The following ROBO2 variants were observed in gnomAD, a reference collection of about 807,000 sequenced individuals.
ROBO2 encodes the protein roundabout homolog 2.
Under a neutral mutation model 160.8 loss-of-function variants are expected in ROBO2, and 53 were observed. The observed-to-expected ratio is 0.33, with a 90% CI of 0.26 to 0.41. The LOEUF (loss-of-function observed/expected upper bound fraction) is 0.41. Among genes scored for constraint, ROBO2 ranks in the 10% least tolerant of loss-of-function variants. The pLI is 1.00. For synonymous variants in ROBO2, 664 were observed against 611.7 expected (o/e 1.09, Z -1.26); for missense variants, 1,577 against 1,722.4 (o/e 0.92, Z 1.49).
intron 2 of ROBO2, among the ~76,000 whole-genome samples, chr3:76,064,159 C>T (rs909643341): frequency 3.3e-5 from 5 of 152,156 alleles, no homozygotes; most frequent in Non-Finnish European, 7.4e-5. Flanking sequence ...ATTTTAGCCT[C>T]GTGAGACCCA....
chr3:76,415,210 C>T (rs940986131), intron 2 of ROBO2, among the ~76,000 whole-genome samples: 2 of 152,148 alleles, frequency 1.3e-5, no homozygotes, highest in Non-Finnish European at 1.5e-5. Context: ...TTTTTCACTT[C>T]ACGGGGTCCC....
chr3:75,967,891 A>G (rs879311578), intron 2 of ROBO2, among the ~76,000 whole-genome samples: 4 of 151,658 alleles, frequency 2.6e-5, no homozygotes, highest in Non-Finnish European at 5.9e-5. Flanking sequence ...CCTTGAAGTA[A>G]TATTGACTGT....
In ROBO2 at chr3:76,815,280, A is replaced by G. The variant is rs2065563269; in HGVS notation, c.110-282734A>G. ...CAAATTTTCTCTGGTAGGAAAGTAG[A>G]TAACTTGAAAATCATCATCACATCT... is the stretch of plus-strand genomic sequence containing the variant. On this transcript the variant is annotated intron_variant, in intron 2 of 26. Coordinates refer to the ROBO2 transcript ENST00000487694. 2.0e-5 allele frequency among the ~76,000 whole-genome samples: 3 copies of G among 152,068 alleles called. No individual in the cohort carries two copies. The South Asian group carries it at 6.2e-4, about 31-fold the overall frequency.
intron 2 of ROBO2, among the ~76,000 whole-genome samples, chr3:76,632,992 C>T (rs1258087717): frequency 2.6e-5 from 4 of 152,078 alleles, no homozygotes; most frequent in South Asian, 4.1e-4. Context: ...TATAGCATTG[C>T]GCCTTTCAGA....
intron 2 of ROBO2, among the ~76,000 whole-genome samples, chr3:76,944,513 A>C (rs904997008): frequency 2.0e-5 from 3 of 152,190 alleles, no homozygotes; most frequent in African/African-American, 7.2e-5. Context: ...TCAATTGAAA[A>C]CATGTTATGT....
intron 2 of ROBO2, among the ~76,000 whole-genome samples, chr3:76,009,348 G>A (rs928305439): frequency 2.6e-5 from 4 of 151,912 alleles, no homozygotes; most frequent in Non-Finnish European, 5.9e-5. Flanking sequence ...CGTGATCCTC[G>A]CACCTCCGCC....
At chr3:77,008,347 G>T (rs896751627) in intron 2 of ROBO2, among the ~76,000 whole-genome samples, 3 of 152,180 alleles carry the variant, frequency 2.0e-5, no homozygotes, top group Non-Finnish European at 4.4e-5. Context: ...AAAAATGTTG[G>T]TTTTTTCTAA....
intron 2 of ROBO2, among the ~76,000 whole-genome samples, chr3:76,585,588 GAAC>G (rs1254536065): frequency 2.0e-5 from 3 of 152,014 alleles, no homozygotes; most frequent in Admixed American, 2.0e-4. Context: ...CACATTTTGA[GAAC>G]AACTGATATA....
chr3:76,936,449 T>C (rs2077706595), intron 2 of ROBO2, among the ~76,000 whole-genome samples: 1 of 152,082 alleles, frequency 6.6e-6, no homozygotes, highest in Non-Finnish European at 1.5e-5. Context: ...GTAAAGATTT[T>C]GTATGCAGCA....
chr3:76,037,414 T>C (rs550743364), intron 2 of ROBO2, among the ~76,000 whole-genome samples: 1 of 151,830 alleles, frequency 6.6e-6, no homozygotes, highest in East Asian at 1.9e-4. Context: ...ACCACCACCA[T>C]GCCTGGCTAA....
intron 2 of ROBO2, among the ~76,000 whole-genome samples, chr3:76,704,059 C>A (rs899647912): frequency 1.3e-5 from 2 of 151,110 alleles, no homozygotes; most frequent in Non-Finnish European, 2.9e-5. Context: ...CATCATTATA[C>A]TTTTTTCTGA....
chr3:76,263,238 T>C (rs1706879521), intron 2 of ROBO2, among the ~76,000 whole-genome samples: 1 of 151,836 alleles, frequency 6.6e-6, no homozygotes, highest in Admixed American at 6.6e-5. Context: ...ACAATAGTCC[T>C]TTTTTTTGGG....
chr3:77,153,659 G>GC (rs1015305521), intron 2 of ROBO2, among the ~76,000 whole-genome samples: 1 of 152,042 alleles, frequency 6.6e-6, no homozygotes, highest in African/African-American at 2.4e-5. Context: ...GGAAGAAGTA[G>GC]CCCCCATTCC....
chr3:76,349,434 C>T (rs576743546), intron 2 of ROBO2, among the ~76,000 whole-genome samples: 2 of 152,172 alleles, frequency 1.3e-5, no homozygotes, highest in East Asian at 1.9e-4. Context: ...AAGAAGAACA[C>T]CATTACCCCC....
chr3:76,688,134 A>G (rs1275979566), intron 2 of ROBO2, among the ~76,000 whole-genome samples: 2 of 152,110 alleles, frequency 1.3e-5, no homozygotes, highest in East Asian at 3.9e-4. Flanking sequence ...TATTAAGGGA[A>G]CATATTATGT....
intron 2 of ROBO2, among the ~76,000 whole-genome samples, chr3:76,912,698 G>T (rs1235820902): frequency 1.3e-5 from 2 of 152,056 alleles, no homozygotes; most frequent in African/African-American, 4.8e-5. Context: ...TTTCATAATT[G>T]TTTCATAAGA....
At chr3:76,037,202 C>G (rs1226192201) in intron 2 of ROBO2, among the ~76,000 whole-genome samples, 1 of 151,726 alleles carries the variant, frequency 6.6e-6, no homozygotes, top group Non-Finnish European at 1.5e-5. Flanking sequence ...GTTGCCCATA[C>G]TGTATTCAGT....
chr3:77,301,949 G>A (rs2062696196), intron 2 of ROBO2, among the ~76,000 whole-genome samples: 1 of 151,474 alleles, frequency 6.6e-6, no homozygotes, highest in South Asian at 2.1e-4. Flanking sequence ...GTCACCCAGA[G>A]TGGAGTGCAG....
chr3:77,222,264 G>A (rs573298870), intron 2 of ROBO2, among the ~76,000 whole-genome samples: 1 of 152,248 alleles, frequency 6.6e-6, no homozygotes, highest in East Asian at 1.9e-4. Flanking sequence ...TCCAAAACCT[G>A]CTATAGAAAT....
Sources: gnomAD v4.1 joint callset for allele counts (sites outside exome capture counted in the v4.1 genomes callset) on GRCh38, gnomAD v4.1.1 for gene constraint, MANE v1.5 for transcripts, NCBI Gene and HGNC (gene_info 2026-07-23, HGNC 2026-07-21) for gene names.